The following CEP170 variants were observed in gnomAD, a reference collection of about 807,000 sequenced individuals.
CEP170 encodes the protein centrosomal protein 170.
CEP170 carries 21 observed loss-of-function variants against 151.9 expected under a neutral mutation model. The observed-to-expected ratio is 0.14, with a 90% CI of 0.10 to 0.20. The LOEUF (loss-of-function observed/expected upper bound fraction) is 0.20. Ranked by LOEUF, CEP170 falls within the 10% of genes least tolerant of loss-of-function variation. The probability of loss-of-function intolerance (pLI) is 1.00; values close to 1 mark genes in which losing one functional copy is unlikely to be tolerated. For synonymous variants in CEP170, 356 were observed against 648.8 expected, an observed-to-expected ratio of 0.55 and a Z score of 6.86; for missense variants, 964 against 1,892.9, an observed-to-expected ratio of 0.51 and a Z score of 9.11.
intron 1 of CEP170, among the ~76,000 whole-genome samples, chr1:243,234,003 T>C (rs1164880256): frequency 6.6e-6 from 1 of 152,150 alleles, no homozygotes; most frequent in Non-Finnish European, 1.5e-5. Flanking sequence ...CTATAAATGA[T>C]AGTCAGTGTA....
At chr1:243,132,209 C>T (rs558086202) in intron 17 of CEP170, among the ~76,000 whole-genome samples, 2 of 152,328 alleles carry the variant, frequency 1.3e-5, no homozygotes, top group East Asian at 3.9e-4. Context: ...ACTACCCTGG[C>T]ACTTTCCACG....
Position 243,189,520 on chromosome 1 carries a change from C to T in CEP170, c.1108+1498G>A, listed in dbSNP as rs546390075. ...GCAGTGAGCCGAGATCGCGCCACTG[C>T]ACTCCAGCCTGAGTGACAAAGCGAG... On this transcript the variant is annotated intron_variant, in intron 8 of 19. Transcript: ENST00000366542. Among the ~76,000 whole-genome samples, 6 of 143,166 alleles carry T rather than the reference C, an allele frequency of 4.2e-5. No homozygotes were observed. The Admixed American group carries it at 4.3e-4, about 10-fold the overall frequency. The allele number at this position is 143,166 out of a possible 152,430, so 93.9% of individuals were successfully genotyped here. A position where few individuals can be genotyped will look rare whatever the true frequency, so the allele number is the denominator to read the frequency against.
Position 243,225,318 on chromosome 1 carries a change from C to T in CEP170, c.-38G>A. The T allele has an allele frequency of 7.8e-7, 1 of 1,285,996 alleles. No homozygotes were observed. Among genetic ancestry groups the T allele is most frequent in the Non-Finnish European group, 1.1e-6 (1 of 929,536 alleles). 79.7% of individuals were successfully genotyped at this position (1,285,996 alleles called of 1,614,324 possible). A position where few individuals can be genotyped will look rare whatever the true frequency, so the allele number is the denominator to read the frequency against. On this transcript the variant is annotated 5_prime_UTR_variant, in exon 2 of 20. An upstream start codon of the reference 5' UTR is lost. Transcript: ENST00000366542. ...TTCTAAGTCTTTGGCAAAGCTACGT[C>T]ATCCTGAAGAGAAACATGAAGAAAA...
At chr1:243,233,122 A>C (rs1467976079) in intron 1 of CEP170, among the ~76,000 whole-genome samples, 5 of 152,312 alleles carry the variant, frequency 3.3e-5, no homozygotes, top group South Asian at 2.1e-4. Flanking sequence ...TTTGTCACAT[A>C]AAGCTGTTTT....
At chr1:243,128,378 C>T (rs1363895484) in intron 18 of CEP170, 78 bp from the exon 19 acceptor site, 3 of 1,282,136 alleles carry the variant, frequency 2.3e-6, no homozygotes, top group Non-Finnish European at 3.2e-6. Flanking sequence ...ATTTCACTCT[C>T]ACTTTATTTG....
In CEP170 at chr1:243,156,572, C is replaced by G. The variant is rs935184031; in HGVS notation, c.3677-117G>C. On this transcript the variant is annotated intron_variant, in intron 13 of 19. Transcript: ENST00000366542. ...GCACACACGGCACAATTTTCAATAACTGACGTACACATACCTCACAAAAAC... is the reference window on the plus strand; with the variant it reads ...GCACACACGGCACAATTTTCAATAAGTGACGTACACATACCTCACAAAAAC... The G allele has an allele frequency of 2.8e-5, 25 of 906,480 alleles. No homozygotes were observed. In the African/African-American group the frequency reaches 3.9e-4, roughly 14 times the overall value. 56.2% of individuals were successfully genotyped at this position (906,480 alleles called of 1,614,324 possible). A position where few individuals can be genotyped will look rare whatever the true frequency, so the allele number is the denominator to read the frequency against.
intron 10 of CEP170, among the ~76,000 whole-genome samples, chr1:243,179,626 A>C (rs993754359): frequency 3.9e-5 from 6 of 152,102 alleles, no homozygotes; most frequent in Non-Finnish European, 8.8e-5. Context: ...GTTGGATTTA[A>C]TTAATCTATA....
intron 1 of CEP170, among the ~76,000 whole-genome samples, chr1:243,240,867 A>G (rs1369237639): frequency 6.6e-6 from 1 of 151,886 alleles, no homozygotes; most frequent in African/African-American, 2.4e-5. Context: ...TAATTTTTGT[A>G]TTTTTAGTAG....
chr1:243,190,725 C>T (rs547127339), intron 8 of CEP170, among the ~76,000 whole-genome samples: 1 of 152,002 alleles, frequency 6.6e-6, no homozygotes, highest in Non-Finnish European at 1.5e-5. Context: ...GGGAACTCTA[C>T]TGGTAAACTT....
chr1:243,239,112 C>A (rs550784615), intron 1 of CEP170, among the ~76,000 whole-genome samples: 1 of 152,236 alleles, frequency 6.6e-6, no homozygotes, highest in East Asian at 1.9e-4. Context: ...CAAGATCAGA[C>A]CTTCCCTCTG....
intron 17 of CEP170, among the ~76,000 whole-genome samples, chr1:243,130,310 AC>A (rs1299922892): frequency 1.8e-4 from 27 of 152,188 alleles, no homozygotes; most frequent in Admixed American, 1.8e-3. Flanking sequence ...GGGAGTACTT[AC>A]TGTGCTTTTC....
At chr1:243,140,964 G>A (rs1340270482) in intron 15 of CEP170, among the ~76,000 whole-genome samples, 1 of 152,124 alleles carries the variant, frequency 6.6e-6, no homozygotes, top group Non-Finnish European at 1.5e-5. Flanking sequence ...CATCAATAAG[G>A]ATGATTTCAT....
chr1:243,180,559 T>G (rs1422056080), intron 10 of CEP170, among the ~76,000 whole-genome samples: 3 of 152,228 alleles, frequency 2.0e-5, no homozygotes, highest in Non-Finnish European at 4.4e-5. Context: ...GATCTCCTAC[T>G]CCTTGAGTTC....
intron 16 of CEP170, among the ~76,000 whole-genome samples, chr1:243,136,999 C>A (rs577154141): frequency 6.7e-5 from 10 of 150,256 alleles, no homozygotes; most frequent in Non-Finnish European, 1.0e-4. Context: ...GGGTCACCAA[C>A]CTCTGTAAAG....
chr1:243,210,544 A>C (rs2061708550), intron 4 of CEP170, among the ~76,000 whole-genome samples: 1 of 151,612 alleles, frequency 6.6e-6, no homozygotes, highest in African/African-American at 2.4e-5. Context: ...GAACATTATA[A>C]AGTATGCTAC....
At chr1:243,208,524 C>T (rs1350765895) in intron 4 of CEP170, among the ~76,000 whole-genome samples, 1 of 151,884 alleles carries the variant, frequency 6.6e-6, no homozygotes, top group Non-Finnish European at 1.5e-5. Flanking sequence ...AATGCTATTC[C>T]TCCAATATGT....
At chr1:243,241,650 CG>C (rs991626655) in intron 1 of CEP170, among the ~76,000 whole-genome samples, 2 of 151,674 alleles carry the variant, frequency 1.3e-5, no homozygotes, top group Non-Finnish European at 2.9e-5. Context: ...ATTAGCTGGG[CG>C]TGGTGGCAGG....
At chr1:243,200,486 T>C in intron 6 of CEP170, 32 bp downstream of exon 6, 3 of 1,581,248 alleles carry the variant, frequency 1.9e-6, no homozygotes, top group Non-Finnish European at 2.6e-6. Flanking sequence ...AGATCAAGTA[T>C]AAAGATGGTC....
chr1:243,126,527 T>C lies in CEP170; in HGVS notation c.4677A>G (p.Glu1559=). ...AATGTATACTGAAATCAGCCTCAGA[T>C]TCAGCATTCTCAAATTCAGCTGCGG... The part of the protein sequence containing the change: ...VSAAAEFENA[E]SEADFSIHFN... The change falls in exon 20 of 20, where the codon GAA becomes GAG. Residue 1559 remains glutamate, a synonymous_variant. Coordinates refer to ENST00000366542, the MANE Select transcript of CEP170 (RefSeq NM_014812.3). 2 of 1,603,234 alleles carry C rather than the reference T, an allele frequency of 1.2e-6. No homozygotes were observed. Among genetic ancestry groups the C allele is most frequent in the Non-Finnish European group, 1.7e-6 (2 of 1,174,140 alleles).
Sources: gnomAD v4.1 joint callset for allele counts (sites outside exome capture counted in the v4.1 genomes callset) on GRCh38, gnomAD v4.1.1 for gene constraint, MANE v1.5 for transcripts, NCBI Gene and HGNC (gene_info 2026-07-23, HGNC 2026-07-21) for gene names.